The following PNPT1 variants were observed in gnomAD, a reference collection of about 807,000 sequenced individuals.
PNPT1 encodes the protein polyribonucleotide nucleotidyltransferase 1, mitochondrial.
A neutral mutation model predicts 119.5 loss-of-function variants in PNPT1; 53 were observed. The ratio of observed to expected loss-of-function variants is 0.44; its 90% confidence interval spans 0.36 to 0.56. The LOEUF (loss-of-function observed/expected upper bound fraction) is 0.56. Ranked by LOEUF, PNPT1 falls within the 20% of genes least tolerant of loss-of-function variation. The pLI, the probability that PNPT1 is intolerant of heterozygous loss-of-function variation, is 0.00. For missense variants in PNPT1, 948 were observed against 938.5 expected (o/e 1.01, Z -0.13); for synonymous variants, 357 against 322.1 (o/e 1.11, Z -1.16).
At chr2:55,687,257 T>C (rs1242191759) in intron 2 of PNPT1, among the ~76,000 whole-genome samples, 3 of 142,778 alleles carry the variant, frequency 2.1e-5, no homozygotes, top group Admixed American at 7.0e-5. Flanking sequence ...CTGGCCAACA[T>C]GGTGAAACCC....
chr2:55,650,702 G>A lies in PNPT1; in HGVS notation c.1496-3249C>T, dbSNP rs1299840661. Among the ~76,000 whole-genome samples the A allele has an allele frequency of 5.6e-4, 84 of 151,338 alleles. 2 individuals carry two copies. Among genetic ancestry groups the A allele is most frequent in the Admixed American group, 5.0e-3 (76 of 15,244 alleles). On this transcript the variant is annotated intron_variant, in intron 18 of 27. Transcript: ENST00000447944. Reference sequence around the variant, plus strand: ...CCGCCCCGTCCGGGATGTGAGGAGCGTCTCTGCCCGGCCGCCCCGTCTGAG... The same window carrying A: ...CCGCCCCGTCCGGGATGTGAGGAGCATCTCTGCCCGGCCGCCCCGTCTGAG...
At chr2:55,679,638 T>C (rs902928442) in intron 8 of PNPT1, 44 bp downstream of exon 8, 1 of 1,365,530 alleles carries the variant, frequency 7.3e-7, no homozygotes, top group Admixed American at 1.8e-5. Flanking sequence ...AGCCAGAACT[T>C]GTAAGTAAAA....
At chr2:55,669,821 C>T (rs540106050) in intron 11 of PNPT1, among the ~76,000 whole-genome samples, 157 of 148,742 alleles carry the variant, frequency 1.1e-3, no homozygotes, top group African/African-American at 3.4e-3. Context: ...AGTGCAGTGG[C>T]GGTCTCAGCT....
At chr2:55,664,719 C>A (rs1008156675) in intron 13 of PNPT1, among the ~76,000 whole-genome samples, 8 of 152,096 alleles carry the variant, frequency 5.3e-5, no homozygotes, top group Admixed American at 3.9e-4. Flanking sequence ...CTAAGTACTA[C>A]AGTTACAAAG....
chr2:55,655,876 A>G (rs1266124067), intron 17 of PNPT1, among the ~76,000 whole-genome samples: 1 of 152,222 alleles, frequency 6.6e-6, no homozygotes, highest in Non-Finnish European at 1.5e-5. Context: ...TTTGTTTGTA[A>G]AAATAAAGAA....
At chr2:55,686,906 G>A (rs376486805) in intron 2 of PNPT1, among the ~76,000 whole-genome samples, 4 of 152,128 alleles carry the variant, frequency 2.6e-5, no homozygotes, top group African/African-American at 9.7e-5. Flanking sequence ...AAGGCAGGTG[G>A]ATCACGAGGT....
rs780299125 is a variant in PNPT1 at position 55,693,721 on chromosome 2, C to T, written c.103G>A (p.Val35Met). ...CCTGCGCTACTCCATAGTGCTCGCA[C>T]TTGCAACTGGGTGAGTGCCCGATCC... The part of the protein sequence containing the change: ...RRDRALTQLQ[V>M]RALWSSAGSR... The change falls in exon 1 of 28, where the codon GTG (valine) becomes ATG (methionine). Residue 35 changes from valine to methionine, a missense_variant. Coordinates refer to ENST00000447944, the MANE Select transcript of PNPT1 (RefSeq NM_033109.5). 1.4e-5 allele frequency: 22 copies of T among 1,614,114 alleles called. No individual in the cohort carries two copies. The highest frequency in any genetic ancestry group is 3.3e-5 in the Admixed American group (2 of 60,014).
Position 55,656,156 on chromosome 2 carries a change from A to C in PNPT1, c.1416T>G (p.Val472=), listed in dbSNP as rs1696379728. ...IPRDFPFTIR[V]TSEVLESNGS... ...CATTTGACTCTAGGACTTCAGATGT[A>C]ACTCTTATGGTGAAAGGAAAATCTC... The change falls in exon 17 of 28, where the codon GTT becomes GTG. Residue 472 remains valine, a synonymous_variant. Transcript: ENST00000447944. The C allele has an allele frequency of 6.2e-7, 1 of 1,613,352 alleles. No individual in the cohort carries two copies. Among genetic ancestry groups the C allele is most frequent in the South Asian group, 1.1e-5 (1 of 91,030 alleles).
chr2:55,644,614 C>T, intron 23 of PNPT1, 23 bp downstream of exon 23: 1 of 1,556,638 alleles, frequency 6.4e-7, no homozygotes, highest in Non-Finnish European at 8.8e-7. Context: ...ATTAAAAAAC[C>T]CCAAACTTCA....
At chr2:55,652,634 T>G (rs767247743) in intron 18 of PNPT1, among the ~76,000 whole-genome samples, 1 of 152,146 alleles carries the variant, frequency 6.6e-6, no homozygotes, top group African/African-American at 2.4e-5. Context: ...CCTTAACCAG[T>G]ATGAATGGTG....
rs1064794498 is a variant in PNPT1 at position 55,680,930 on chromosome 2, G to GA, written c.454-13dup. On this transcript the variant is annotated splice_polypyrimidine_tract_variant and intron_variant, in intron 5 of 27. Transcript: ENST00000447944. ...AGATTACACAGAACCTGGTAAAAGGGAAAAAATTTGATTTGGAAGGGTTAT... is the reference window on the plus strand; with the variant it reads ...AGATTACACAGAACCTGGTAAAAGGGAAAAAAATTTGATTTGGAAGGGTTAT... 6.8e-6 allele frequency: 11 copies of GA among 1,608,908 alleles called. No individual in the cohort carries two copies. The South Asian group carries it at 7.8e-5, about 11-fold the overall frequency.
chr2:55,691,184 G>T (rs934584044), intron 1 of PNPT1, among the ~76,000 whole-genome samples: 2 of 152,206 alleles, frequency 1.3e-5, no homozygotes, highest in African/African-American at 2.4e-5. Context: ...CGGGGCTACT[G>T]CCTTAGCATT....
chr2:55,681,613 G>A (rs1412247250), intron 5 of PNPT1, among the ~76,000 whole-genome samples: 1 of 152,136 alleles, frequency 6.6e-6, no homozygotes, highest in Non-Finnish European at 1.5e-5. Context: ...GGGAGGCCGA[G>A]GCAGGTGGAT....
At chr2:55,680,595 T>C (rs1476687282) in intron 7 of PNPT1, 117 bp downstream of exon 7, 12 of 941,386 alleles carry the variant, frequency 1.3e-5, no homozygotes, top group Non-Finnish European at 1.8e-5. Context: ...CGTCATCTAG[T>C]TCAATTCATG....
chr2:55,636,996 C>A (rs1380414279), intron 27 of PNPT1, among the ~76,000 whole-genome samples: 1 of 152,216 alleles, frequency 6.6e-6, no homozygotes, highest in African/African-American at 2.4e-5. Flanking sequence ...TGGGAATAAA[C>A]CAGAAGCCTT....
intron 13 of PNPT1, among the ~76,000 whole-genome samples, chr2:55,666,639 A>C (rs1016998144): frequency 6.6e-6 from 1 of 152,166 alleles, no homozygotes; most frequent in Non-Finnish European, 1.5e-5. Context: ...CAAGAGTTTG[A>C]GACCAGCTTG....
At chr2:55,637,160 C>T (rs1376084533) in intron 27 of PNPT1, among the ~76,000 whole-genome samples, 2 of 152,204 alleles carry the variant, frequency 1.3e-5, no homozygotes, top group African/African-American at 2.4e-5. Flanking sequence ...TAACATGGCT[C>T]TTACCAAGCT....
At chr2:55,637,866 G>A (rs1237352652) in intron 26 of PNPT1, among the ~76,000 whole-genome samples, 2 of 152,010 alleles carry the variant, frequency 1.3e-5, no homozygotes, top group African/African-American at 4.8e-5. Flanking sequence ...CGGGCATGGT[G>A]GCGGGCGCCT....
intron 8 of PNPT1, among the ~76,000 whole-genome samples, chr2:55,674,751 T>C (rs1697012761): frequency 6.6e-6 from 1 of 152,108 alleles, no homozygotes; most frequent in African/African-American, 2.4e-5. Context: ...ATGATAACAA[T>C]TGCATTCCAA....
Sources: allele counts gnomAD v4.1 joint callset (sites outside exome capture counted in the v4.1 genomes callset), GRCh38; gene constraint gnomAD v4.1.1; transcripts MANE v1.5; gene names NCBI Gene and HGNC (gene_info 2026-07-23, HGNC 2026-07-21).